The following EXTL2 variants were observed in gnomAD, a reference collection of about 807,000 sequenced individuals.
EXTL2 encodes the protein exostosin like glycosyltransferase 2.
EXTL2 carries 23 observed loss-of-function variants against 30.7 expected under a neutral mutation model. The ratio of observed to expected loss-of-function variants is 0.75; its 90% confidence interval spans 0.54 to 1.06. The LOEUF (loss-of-function observed/expected upper bound fraction) is 1.06. Among genes scored for constraint, EXTL2 ranks in the 50% least tolerant of loss-of-function variants. EXTL2 has a pLI of 0.00. For missense variants in EXTL2, 352 were observed against 396.3 expected (o/e 0.89, Z 0.95); for synonymous variants, 123 against 133.8 (o/e 0.92, Z 0.56).
At chr1:100,886,555 T>C (rs187770583) in intron 2 of EXTL2, among the ~76,000 whole-genome samples, 21 of 152,324 alleles carry the variant, frequency 1.4e-4, no homozygotes, top group Admixed American at 1.2e-3. Context: ...AGTTCTAGCA[T>C]TTTCTAGTTT....
intron 2 of EXTL2, among the ~76,000 whole-genome samples, chr1:100,882,182 C>A (rs75015490): frequency 0.018 from 2,690 of 152,252 alleles, 79 homozygotes; most frequent in African/African-American, 0.062. Flanking sequence ...CTGGGGACAC[C>A]AAGGGTTTTC....
At chr1:100,883,264 G>A (rs991050790) in intron 2 of EXTL2, among the ~76,000 whole-genome samples, 1 of 152,188 alleles carries the variant, frequency 6.6e-6, no homozygotes, top group African/African-American at 2.4e-5. Context: ...AAAGTATACA[G>A]TTCAGTAGCT....
At position 100,894,788 on chromosome 1, in the gene EXTL2, T is replaced by A. The variant is rs1354027581; in HGVS notation, c.-227A>T. On this transcript the variant is annotated 5_prime_UTR_variant, in exon 1 of 5. Transcript: ENST00000370114. ...TTCTCCATTAGCTGGATTAACAACC[T>A]GGAAAAAGTGCCGCCCGCAAAGTGA... The A allele has an allele frequency of 6.6e-6, 1 of 152,012 alleles. No individual in the cohort carries two copies. The highest frequency in any genetic ancestry group is 1.5e-5 in the Non-Finnish European group (1 of 68,014). The allele number at this position is 152,012 out of a possible 1,614,324, so 9.4% of individuals were successfully genotyped here.
At chr1:100,880,706 A>G (rs1649484477) in intron 2 of EXTL2, among the ~76,000 whole-genome samples, 1 of 152,212 alleles carries the variant, frequency 6.6e-6, no homozygotes, top group South Asian at 2.1e-4. Context: ...CTACATAAAA[A>G]TGACTGGTTA....
At chr1:100,889,726 C>T (rs1650272083) in intron 1 of EXTL2, among the ~76,000 whole-genome samples, 2 of 152,234 alleles carry the variant, frequency 1.3e-5, no homozygotes, top group Admixed American at 6.5e-5. Context: ...GTCATTAAAT[C>T]TTAAGGTTCT....
Position 100,876,893 on chromosome 1 carries a change from G to C in EXTL2, c.434-29C>G, listed in dbSNP as rs771875651. 3.4e-6 allele frequency: 5 copies of C among 1,491,100 alleles called. No homozygotes were observed. In the South Asian group the frequency reaches 3.4e-5, roughly 10 times the overall value. 92.4% of individuals were successfully genotyped at this position (1,491,100 alleles called of 1,614,324 possible). A position where few individuals can be genotyped will look rare whatever the true frequency, so the allele number is the denominator to read the frequency against. ...AAATGAAAGGACAAAAATTTAAGTTGAATAGTTCGGAAATGAAAACAAAAG... is the reference window on the plus strand; with the variant it reads ...AAATGAAAGGACAAAAATTTAAGTTCAATAGTTCGGAAATGAAAACAAAAG... On this transcript the variant is annotated intron_variant, in intron 3 of 4. Coordinates refer to ENST00000370114, the MANE Select transcript of EXTL2 (RefSeq NM_001033025.3).
chr1:100,889,800 C>CA (rs1650277310), intron 1 of EXTL2, among the ~76,000 whole-genome samples: 1 of 152,228 alleles, frequency 6.6e-6, no homozygotes, highest in African/African-American at 2.4e-5. Context: ...GGTGGGCTCT[C>CA]AGAGTCTTGG....
intron 4 of EXTL2, among the ~76,000 whole-genome samples, chr1:100,875,230 G>GAC (rs10547668): frequency 0.16 from 23,941 of 149,252 alleles, 1,915 homozygotes; most frequent in African/African-American, 0.18. Context: ...CAGAACTAGG[G>GAC]ACACACACAC....
intron 1 of EXTL2, among the ~76,000 whole-genome samples, chr1:100,892,424 T>C (rs1570479935): frequency 6.6e-6 from 1 of 152,296 alleles, no homozygotes; most frequent in East Asian, 1.9e-4. Context: ...TGTCAGGGGC[T>C]CTCAGGTCTT....
At chr1:100,882,361 A>C (rs1649628181) in intron 2 of EXTL2, among the ~76,000 whole-genome samples, 1 of 152,210 alleles carries the variant, frequency 6.6e-6, no homozygotes, top group African/African-American at 2.4e-5. Flanking sequence ...GAATTATCTG[A>C]CCTAACACGG....
At chr1:100,891,418 C>G (rs899889431) in intron 1 of EXTL2, among the ~76,000 whole-genome samples, 1 of 152,138 alleles carries the variant, frequency 6.6e-6, no homozygotes, top group Non-Finnish European at 1.5e-5. Context: ...GCTGGTTGTG[C>G]GGGAGACCAG....
Position 100,876,862 on chromosome 1 carries a change from C to T in EXTL2, c.436G>A (p.Val146Met). The T allele has an allele frequency of 6.2e-7, 1 of 1,609,752 alleles. No individual in the cohort carries two copies. Among genetic ancestry groups the T allele is most frequent in the Non-Finnish European group, 8.5e-7 (1 of 1,176,784 alleles). Reference sequence around the variant, plus strand: ...AGTGTGTCATCATCTACCATCAACACTGCTAAAATGAAAGGACAAAAATTT... The same window carrying T: ...AGTGTGTCATCATCTACCATCAACATTGCTAAAATGAAAGGACAAAAATTT... ...QVFPELETNA[V>M]LMVDDDTLIS... The change falls in exon 4 of 5, where the codon GTG becomes ATG. Residue 146 changes from valine to methionine, a missense_variant and splice_region_variant. Val to Met is a conservative substitution (Grantham distance 21). Coordinates refer to ENST00000370114, the MANE Select transcript of EXTL2 (RefSeq NM_001033025.3).
chr1:100,876,226 A>G (rs993001348), intron 4 of EXTL2, among the ~76,000 whole-genome samples: 7 of 152,058 alleles, frequency 4.6e-5, no homozygotes, highest in South Asian at 2.1e-4. Flanking sequence ...ATTCAATAGG[A>G]GAGAGCGGCT....
In EXTL2 at chr1:100,872,682, AAGAAGGAAG is replaced by A. The variant is rs1648790915; in HGVS notation, c.*1251_*1259del. 6.6e-6 allele frequency: 1 copy of A among 152,486 alleles called. No homozygotes were observed. The highest frequency in any genetic ancestry group is 6.6e-5 in the Admixed American group (1 of 15,230). 9.4% of individuals were successfully genotyped at this position (152,486 alleles called of 1,614,324 possible). ...TTTTGAGAATATACTAGCATTATATAAGAAGGAAGAGGAGAAGGAGGAATAAGAGGGAAA... is the reference window on the plus strand; with the variant it reads ...TTTTGAGAATATACTAGCATTATATAAGGAGAAGGAGGAATAAGAGGGAAA... On this transcript the variant is annotated 3_prime_UTR_variant, in exon 5 of 5. Coordinates refer to ENST00000370114, the MANE Select transcript of EXTL2 (RefSeq NM_001033025.3).
intron 2 of EXTL2, among the ~76,000 whole-genome samples, chr1:100,880,387 C>T (rs1023507275): frequency 3.3e-5 from 5 of 152,118 alleles, no homozygotes; most frequent in Non-Finnish European, 7.4e-5. Context: ...CTCTCCTGGA[C>T]TTTCTCTGCA....
chr1:100,884,258 C>T (rs1180474650), intron 2 of EXTL2, among the ~76,000 whole-genome samples: 7 of 152,202 alleles, frequency 4.6e-5, no homozygotes, highest in African/African-American at 1.4e-4. Context: ...CATTTCACTA[C>T]GAGATTTGCC....
intron 2 of EXTL2, among the ~76,000 whole-genome samples, chr1:100,886,584 T>A (rs564431045): frequency 6.6e-6 from 1 of 152,338 alleles, no homozygotes; most frequent in South Asian, 2.1e-4. Context: ...CCCTTTCCTA[T>A]ACAAAGGATC....
intron 2 of EXTL2, among the ~76,000 whole-genome samples, chr1:100,879,516 A>G (rs1649401485): frequency 6.6e-6 from 1 of 152,206 alleles, no homozygotes; most frequent in African/African-American, 2.4e-5. Flanking sequence ...ATCTCTGAGA[A>G]AGAATAGATG....
intron 2 of EXTL2, chr1:100,881,040 C>T (rs1433148329): frequency 1.1e-5 from 11 of 984,176 alleles, no homozygotes; most frequent in Non-Finnish European, 1.3e-5. Flanking sequence ...GCTCCTAATC[C>T]CCCAATTTTA....
Sources: gnomAD v4.1 joint callset for allele counts (sites outside exome capture counted in the v4.1 genomes callset) on GRCh38, gnomAD v4.1.1 for gene constraint, MANE v1.5 for transcripts, NCBI Gene and HGNC (gene_info 2026-07-23, HGNC 2026-07-21) for gene names.